LRRFIP2: variants seen among roughly 807,000 people sequenced by gnomAD.
LRRFIP2 encodes leucine-rich repeat flightless-interacting protein 2.
In LRRFIP2, 109 loss-of-function variants were observed where a neutral mutation model predicts 125.9. That is an observed-to-expected ratio of 0.87 (90% CI 0.74 to 1.01). The LOEUF (loss-of-function observed/expected upper bound fraction) is 1.01. Among genes scored for constraint, LRRFIP2 ranks in the 50% least tolerant of loss-of-function variants. The pLI, the probability that LRRFIP2 is intolerant of heterozygous loss-of-function variation, is 0.00. For missense variants in LRRFIP2, 850 were observed against 862.3 expected, an observed-to-expected ratio of 0.99 and a Z score of 0.18; for synonymous variants, 291 against 293.1, an observed-to-expected ratio of 0.99 and a Z score of 0.07.
intron 2 of LRRFIP2, chr3:37,143,778 T>C (rs181517362): frequency 1.2e-3 from 195 of 167,584 alleles, no homozygotes; most frequent in African/African-American, 4.6e-3. Flanking sequence ...GGCACCACAT[T>C]GTATGCATCA....
intron 2 of LRRFIP2, among the ~76,000 whole-genome samples, chr3:37,139,563 T>C (rs2095639071): frequency 6.6e-6 from 1 of 152,202 alleles, no homozygotes; most frequent in Admixed American, 6.5e-5. Flanking sequence ...CTTCCCAGTC[T>C]TCCCTTCTTT....
At chr3:37,162,852 T>C (rs988464839) in intron 1 of LRRFIP2, among the ~76,000 whole-genome samples, 6 of 152,176 alleles carry the variant, frequency 3.9e-5, no homozygotes, top group East Asian at 1.9e-4. Flanking sequence ...CAGGTTTTCA[T>C]TGGAATTTAG....
chr3:37,168,312 G>A lies in LRRFIP2; in HGVS notation c.-56+6227C>T, dbSNP rs537867814. ...CTATCAAAAGATGATTAAACAATAT[G>A]GTATAAACATACGAAGGAATATTTT... On this transcript the variant is annotated intron_variant, in intron 1 of 27. Transcript: ENST00000336686. Among the ~76,000 whole-genome samples, 15 of 152,140 alleles carry A rather than the reference G, an allele frequency of 9.9e-5. No homozygotes were observed. The South Asian group carries it at 3.1e-3, about 32-fold the overall frequency.
intron 15 of LRRFIP2, among the ~76,000 whole-genome samples, chr3:37,101,012 G>A (rs2094007956): frequency 6.6e-6 from 1 of 152,084 alleles, no homozygotes; most frequent in Non-Finnish European, 1.5e-5. Flanking sequence ...TCAGTGAAAT[G>A]CTAATTATAA....
intron 6 of LRRFIP2, among the ~76,000 whole-genome samples, chr3:37,117,171 C>A (rs1460219134): frequency 6.7e-6 from 1 of 149,920 alleles, no homozygotes; most frequent in African/African-American, 2.4e-5. Context: ...TTACTCAAGT[C>A]ACACATTCTA....
intron 16 of LRRFIP2, among the ~76,000 whole-genome samples, chr3:37,095,969 T>C (rs1467472755): frequency 6.6e-6 from 1 of 152,220 alleles, no homozygotes; most frequent in East Asian, 1.9e-4. Context: ...ATTGGTTATA[T>C]GTTGAAATAG....
At chr3:37,107,501 C>G (rs1215501545) in intron 13 of LRRFIP2, among the ~76,000 whole-genome samples, 1 of 152,076 alleles carries the variant, frequency 6.6e-6, no homozygotes, top group Non-Finnish European at 1.5e-5. Context: ...TATTGAAGAA[C>G]AGAGATTACA....
At chr3:37,172,807 T>A (rs1303139158) in intron 1 of LRRFIP2, 1 of 152,228 alleles carries the variant, frequency 6.6e-6, no homozygotes, top group Non-Finnish European at 1.5e-5. Flanking sequence ...GCCTAGTTGT[T>A]TGACTCCTTT....
chr3:37,129,009 A>G (rs1022807566), intron 3 of LRRFIP2, 54 bp downstream of exon 3: 2 of 1,470,472 alleles, frequency 1.4e-6, no homozygotes, highest in African/African-American at 2.8e-5. Flanking sequence ...AAACTAGCCA[A>G]GTACTGATTT....
rs1478533401 is a variant in LRRFIP2, at chr3:37,121,529, T to TC, written c.292dup (p.Glu98GlyfsTer15). ...AACACTTCGAATGGACAATGCATCCTCAACTCCCTGATAAAAATGAAAATA... is the reference window on the plus strand; with the variant it reads ...AACACTTCGAATGGACAATGCATCCTCCAACTCCCTGATAAAAATGAAAATA... On this transcript the variant is annotated frameshift_variant, in exon 6 of 28. Transcript: ENST00000336686. LOFTEE classifies it high-confidence loss of function. 33 of 1,613,882 alleles carry TC rather than the reference T, an allele frequency of 2.0e-5. No homozygotes were observed. The highest frequency in any genetic ancestry group is 2.7e-5 in the Non-Finnish European group (32 of 1,179,900).
At chr3:37,074,979 T>G in intron 20 of LRRFIP2, 45 bp downstream of exon 20, 1 of 1,306,080 alleles carries the variant, frequency 7.7e-7, no homozygotes, top group African/African-American at 1.4e-5. Flanking sequence ...CCCATTCAAC[T>G]CATTTTTTTT....
At chr3:37,135,143 GA>G in intron 2 of LRRFIP2, 1 of 1,173,928 alleles carries the variant, frequency 8.5e-7, no homozygotes, top group African/African-American at 1.6e-5. Context: ...ATTATAGCTG[GA>G]ATAAACTTTA....
intron 19 of LRRFIP2, among the ~76,000 whole-genome samples, chr3:37,082,716 G>A (rs2092740366): frequency 6.6e-6 from 1 of 152,022 alleles, no homozygotes; most frequent in African/African-American, 2.4e-5. Flanking sequence ...CCAAACGCCT[G>A]GCAAACACTT....
At chr3:37,129,000 A>C in intron 3 of LRRFIP2, 63 bp downstream of exon 3, 1 of 1,416,808 alleles carries the variant, frequency 7.1e-7, no homozygotes, top group South Asian at 1.2e-5. Flanking sequence ...CATCAGAATA[A>C]ACTAGCCAAG....
intron 21 of LRRFIP2, among the ~76,000 whole-genome samples, chr3:37,071,846 C>T (rs570622396): frequency 6.6e-6 from 1 of 152,276 alleles, no homozygotes; most frequent in South Asian, 2.1e-4. Flanking sequence ...GGTGATGGGA[C>T]TGCCAATCAA....
At chr3:37,112,090 GC>G (rs2094564746) in intron 8 of LRRFIP2, among the ~76,000 whole-genome samples, 1 of 152,194 alleles carries the variant, frequency 6.6e-6, no homozygotes, top group Non-Finnish European at 1.5e-5. Context: ...TTGTTTAGCA[GC>G]CGGGCACTGT....
chr3:37,108,323 A>C (rs924428397), intron 12 of LRRFIP2, among the ~76,000 whole-genome samples, 194 bp from the exon 13 acceptor site: 2 of 152,190 alleles, frequency 1.3e-5, no homozygotes, highest in Non-Finnish European at 2.9e-5. Flanking sequence ...GCGAAGAGGA[A>C]GGGGATGCCC....
intron 6 of LRRFIP2, among the ~76,000 whole-genome samples, chr3:37,115,389 C>T (rs1255273737): frequency 6.6e-6 from 1 of 152,146 alleles, no homozygotes; most frequent in African/African-American, 2.4e-5. Flanking sequence ...CACTATAGCA[C>T]AAAACATCCT....
At chr3:37,072,256 T>A (rs1364240767) in intron 21 of LRRFIP2, among the ~76,000 whole-genome samples, 2 of 152,210 alleles carry the variant, frequency 1.3e-5, no homozygotes, top group African/African-American at 4.8e-5. Context: ...ATCCTAGCAC[T>A]TTGGGAGGCC....
Sources: gnomAD v4.1 joint callset for allele counts (sites outside exome capture counted in the v4.1 genomes callset) on GRCh38, gnomAD v4.1.1 for gene constraint, MANE v1.5 for transcripts, NCBI Gene and HGNC (gene_info 2026-07-23, HGNC 2026-07-21) for gene names.